DYNC2H1: variants seen among roughly 807,000 people sequenced by gnomAD.
DYNC2H1 encodes the protein cytoplasmic dynein 2 heavy chain 1.
A neutral mutation model predicts 570.0 loss-of-function variants in DYNC2H1; 410 were observed. The observed-to-expected ratio is 0.72, with a 90% CI of 0.66 to 0.78. The LOEUF is 0.78. Ranked by LOEUF, DYNC2H1 falls within the 30% of genes least tolerant of loss-of-function variation. The probability of loss-of-function intolerance (pLI) is 0.00; values close to 1 mark genes in which losing one functional copy is unlikely to be tolerated. For missense variants in DYNC2H1, 4,865 were observed against 5,046.4 expected, an observed-to-expected ratio of 0.96 and a Z score of 1.09; for synonymous variants, 1,688 against 1,677.6, an observed-to-expected ratio of 1.01 and a Z score of -0.15.
chr11:103,347,237 A>C, intron 82 of DYNC2H1, among the ~76,000 whole-genome samples: 1 of 152,180 alleles, frequency 6.6e-6, no homozygotes, highest in East Asian at 1.9e-4. Flanking sequence ...GCAAGCGAGA[A>C]GGGCTTCTCT....
chr11:103,455,124 TAA>T (rs945575673), intron 85 of DYNC2H1, 60 bp from the exon 86 acceptor site: 3 of 1,227,030 alleles, frequency 2.4e-6, no homozygotes, highest in African/African-American at 1.5e-5. Context: ...GAAAATGACT[TAA>T]GTCTTTAATT....
At position 103,280,273 on chromosome 11, in the gene DYNC2H1, C is replaced by T. The variant is rs1866078045; in HGVS notation, c.10696-75C>T. The T allele has an allele frequency of 1.5e-5, 22 of 1,447,448 alleles. 1 individual carries two copies. The highest frequency in any genetic ancestry group is 2.0e-5 in the Admixed American group (1 of 49,516). 89.7% of individuals were successfully genotyped at this position (1,447,448 alleles called of 1,614,324 possible). ...AAGACAGAATAGAGATTTTTGTGTG[C>T]CAAATTTTAACGACTATGCTTTTCC... On this transcript the variant is annotated intron_variant, in intron 70 of 88. Transcript: ENST00000375735. The surrounding 1 kb of genome is among the most constrained non-coding windows in gnomAD (Gnocchi z 4.7).
chr11:103,476,508 TTAAA>T (rs1453626553), intron 88 of DYNC2H1, among the ~76,000 whole-genome samples: 2 of 152,188 alleles, frequency 1.3e-5, no homozygotes, highest in Non-Finnish European at 2.9e-5. Context: ...TAAAGTGCTG[TTAAA>T]TGAATAGCTG....
intron 31 of DYNC2H1, among the ~76,000 whole-genome samples, chr11:103,167,265 AT>A (rs1188767892): frequency 0.028 from 4,055 of 143,640 alleles, 172 homozygotes; most frequent in African/African-American, 0.091. Context: ...GCTTTAAAGT[AT>A]TTTTTTTTTT....
intron 70 of DYNC2H1, among the ~76,000 whole-genome samples, chr11:103,273,017 A>G (rs971107843): frequency 2.6e-5 from 4 of 152,162 alleles, no homozygotes; most frequent in Middle Eastern, 3.4e-3. Context: ...GCAAAAATAG[A>G]TGAAGGATTT....
At chr11:103,285,037 A>G (rs902283673) in intron 73 of DYNC2H1, among the ~76,000 whole-genome samples, 7 of 152,252 alleles carry the variant, frequency 4.6e-5, no homozygotes, top group African/African-American at 1.7e-4. Flanking sequence ...GAACATTTAG[A>G]GACAAATAGA....
chr11:103,163,085 G>A lies in DYNC2H1; in HGVS notation c.4549G>A (p.Glu1517Lys), dbSNP rs1330724547. ...GAAAACTTTGGAACAGTTGTTGAAG[G>A]AATGTGTTACTACTGGGCGAAGTTC... ...MKKTLEQLLK[E>K]CVTTGRSSQG... Residue 1517 changes from glutamate to lysine, a missense_variant, in exon 30 of 89, where the codon GAA becomes AAA. By Grantham distance (56) the Glu-to-Lys change is moderately conservative (BLOSUM62 1). This residue lies in a region of DYNC2H1 where 1,936 missense variants were observed against 1,962.1 expected (regional missense o/e 0.99). Coordinates refer to ENST00000375735, the MANE Select transcript of DYNC2H1 (RefSeq NM_001377.3). The surrounding 1 kb of genome is among the most constrained non-coding windows in gnomAD (Gnocchi z 4.6). The A allele has an allele frequency of 6.2e-7, 1 of 1,613,222 alleles. No individual in the cohort carries two copies. The highest frequency in any genetic ancestry group is 2.2e-5 in the East Asian group (1 of 44,856).
intron 87 of DYNC2H1, among the ~76,000 whole-genome samples, chr11:103,466,150 G>C (rs1945188192): frequency 6.6e-6 from 1 of 152,132 alleles, no homozygotes; most frequent in African/African-American, 2.4e-5. Context: ...ATGGAAACTT[G>C]ACACATGACA....
At chr11:103,349,199 G>T (rs1333290555) in intron 82 of DYNC2H1, among the ~76,000 whole-genome samples, 1 of 152,032 alleles carries the variant, frequency 6.6e-6, no homozygotes, top group Non-Finnish European at 1.5e-5. Flanking sequence ...ATACCTAGTA[G>T]TGGAATGGCT....
At chr11:103,180,891 T>G (rs945143197) in intron 39 of DYNC2H1, among the ~76,000 whole-genome samples, 1 of 151,514 alleles carries the variant, frequency 6.6e-6, no homozygotes, top group African/African-American at 2.4e-5. Context: ...TTAGACTGGA[T>G]AGAAAATGTG....
chr11:103,476,200 T>C (rs1236370586), intron 88 of DYNC2H1, among the ~76,000 whole-genome samples: 1 of 152,168 alleles, frequency 6.6e-6, no homozygotes, highest in African/African-American at 2.4e-5. Flanking sequence ...GGGAAGAGAT[T>C]AGTCAGTGAC....
intron 79 of DYNC2H1, among the ~76,000 whole-genome samples, chr11:103,314,566 C>T (rs1937706814): frequency 6.6e-6 from 1 of 151,664 alleles, no homozygotes; most frequent in Non-Finnish European, 1.5e-5. Context: ...ATATTTGGGT[C>T]AAAGAATATA....
intron 44 of DYNC2H1, 30 bp downstream of exon 44, chr11:103,188,678 A>G (rs963303128): frequency 1.1e-4 from 166 of 1,448,590 alleles, no homozygotes; most frequent in Non-Finnish European, 1.5e-4. Flanking sequence ...AGATTTTTTA[A>G]TTTGGGAAGA....
intron 66 of DYNC2H1, 84 bp from the exon 67 acceptor site, chr11:103,255,331 C>T (rs1302688684): frequency 9.1e-6 from 13 of 1,434,044 alleles, no homozygotes; most frequent in Non-Finnish European, 1.2e-5. Context: ...AATAGTCTGT[C>T]AAACACAAGG....
intron 18 of DYNC2H1, among the ~76,000 whole-genome samples, chr11:103,146,594 A>G (rs1860252323): frequency 6.6e-6 from 1 of 151,920 alleles, no homozygotes; most frequent in Admixed American, 6.6e-5. Context: ...ATATCCTGCT[A>G]TTTGTTTTTT....
At chr11:103,409,631 A>G (rs1943000715) in intron 84 of DYNC2H1, 1 of 153,318 alleles carries the variant, frequency 6.5e-6, no homozygotes, top group Non-Finnish European at 1.5e-5. Context: ...CCTTTATTAA[A>G]ATTAATTAGA....
Position 103,414,751 on chromosome 11 carries a change from G to C in DYNC2H1, c.12366+14879G>C, listed in dbSNP as rs865781230. ...TATACATCAATAATAGACAAGCAAA[G>C]AGCCAAATCATGAGTGAACTCCCAT... On this transcript the variant is annotated intron_variant, in intron 84 of 88. Transcript: ENST00000375735. 7.2e-5 allele frequency among the ~76,000 whole-genome samples: 11 copies of C among 152,126 alleles called. No individual in the cohort carries two copies. In the South Asian group the frequency reaches 8.3e-4, roughly 12 times the overall value.
At chr11:103,419,570 A>G (rs1943408837) in intron 84 of DYNC2H1, among the ~76,000 whole-genome samples, 1 of 151,898 alleles carries the variant, frequency 6.6e-6, no homozygotes, top group African/African-American at 2.4e-5. Context: ...GACTGGTTAA[A>G]AAAAAAAAAA....
chr11:103,120,144 T>A (rs966517780), intron 6 of DYNC2H1, among the ~76,000 whole-genome samples: 2 of 152,180 alleles, frequency 1.3e-5, no homozygotes, highest in Non-Finnish European at 2.9e-5. Context: ...CTAAATATAG[T>A]TTAAACAGTT....
Sources: gnomAD v4.1 joint callset for allele counts (sites outside exome capture counted in the v4.1 genomes callset) on GRCh38, gnomAD v4.1.1 for gene constraint, gnomAD v4.1.1 regional missense constraint, Gnocchi (gnomAD v3.1) non-coding constraint, MANE v1.5 for transcripts, NCBI Gene and HGNC (gene_info 2026-07-23, HGNC 2026-07-21) for gene names.